PBX1: variants seen among roughly 807,000 people sequenced by gnomAD.
PBX1 encodes the protein pre-B-cell leukemia transcription factor 1.
A neutral mutation model predicts 53.4 loss-of-function variants in PBX1; 6 were observed. The ratio of observed to expected loss-of-function variants is 0.11; its 90% CI spans 0.06 to 0.22. The LOEUF is 0.22. Among genes scored for constraint, PBX1 ranks in the 10% least tolerant of loss-of-function variants. The pLI is 1.00. For missense variants in PBX1, 251 were observed against 551.4 expected (o/e 0.46, Z 5.46); for synonymous variants, 204 against 212.3 (o/e 0.96, Z 0.34).
At chr1:164,651,930 G>GGGGTGTGT (rs965168010) in intron 2 of PBX1, 7 of 144,080 alleles carry the variant, frequency 4.9e-5, no homozygotes, top group South Asian at 4.6e-4. Context: ...ATGGAGGGAG[G>GGGGTGTGT]GTGTGTGTGT....
At chr1:164,831,793 A>G (rs1670778824) in intron 8 of PBX1, among the ~76,000 whole-genome samples, 1 of 152,220 alleles carries the variant, frequency 6.6e-6, no homozygotes, top group Admixed American at 6.5e-5. Flanking sequence ...ATAGTTGTCC[A>G]CAGAATAGTC....
rs1318571203 is a variant in PBX1, at chr1:164,849,500, A to G, written c.*2824A>G. 27 of 1,512,966 alleles carry G rather than the reference A, an allele frequency of 1.8e-5. No homozygotes were observed. The South Asian group carries it at 3.1e-4, about 18-fold the overall frequency. The allele number at this position is 1,512,966 out of a possible 1,614,324, so 93.7% of individuals were successfully genotyped here. A position where few individuals can be genotyped will look rare whatever the true frequency, so the allele number is the denominator to read the frequency against. On this transcript the variant is annotated 3_prime_UTR_variant, in exon 9 of 9. Coordinates refer to ENST00000420696, the MANE Select transcript of PBX1 (RefSeq NM_002585.4). ...GAAACACAGCTTCCTGGGAATTCAC[A>G]TGAGGCCAGTCCTACAGAGAGCAAG...
At chr1:164,859,326 A>G (rs984211092) in intron 2 of PBX1, among the ~76,000 whole-genome samples, 1 of 152,186 alleles carries the variant, frequency 6.6e-6, no homozygotes, top group Admixed American at 6.5e-5. Flanking sequence ...CTGCATAGCC[A>G]TATGGACTGG....
chr1:164,859,868 C>T (rs1672058765), intron 2 of PBX1, among the ~76,000 whole-genome samples: 1 of 152,182 alleles, frequency 6.6e-6, no homozygotes, highest in Non-Finnish European at 1.5e-5. Flanking sequence ...AGGAATACAA[C>T]TGTATTTATC....
At chr1:164,853,310 C>T (rs1671901276), downstream of PBX1, among the ~76,000 whole-genome samples, 1 of 152,182 alleles carries the variant, frequency 6.6e-6, no homozygotes, top group Non-Finnish European at 1.5e-5. Context: ...TAGGCAGCCA[C>T]TTCCTGGGAA....
At chr1:164,820,283 A>G in intron 7 of PBX1, 99 bp downstream of exon 7, 1 of 707,930 alleles carries the variant, frequency 1.4e-6, no homozygotes, top group Non-Finnish European at 2.5e-6. Context: ...GAGAGAGAAA[A>G]ACAGATCAGA....
chr1:164,717,317 C>G (rs551186272), intron 2 of PBX1, among the ~76,000 whole-genome samples: 9 of 152,172 alleles, frequency 5.9e-5, no homozygotes, highest in African/African-American at 2.2e-4. Flanking sequence ...TCTTTGGAGA[C>G]TTTTATTTGC....
At chr1:164,657,149 T>G (rs914237466) in intron 2 of PBX1, 2 of 152,184 alleles carry the variant, frequency 1.3e-5, no homozygotes, top group African/African-American at 4.8e-5. Context: ...GATGATAAAA[T>G]GTCATTGGCT....
intron 2 of PBX1, among the ~76,000 whole-genome samples, chr1:164,637,228 C>T (rs1253374493): frequency 1.3e-5 from 2 of 152,172 alleles, no homozygotes; most frequent in Non-Finnish European, 2.9e-5. Flanking sequence ...GAAGAAAATG[C>T]ATATGCCCTT....
chr1:164,655,442 C>T (rs1021952458), intron 2 of PBX1, among the ~76,000 whole-genome samples: 2 of 152,118 alleles, frequency 1.3e-5, no homozygotes, highest in Non-Finnish European at 2.9e-5. Context: ...TGCCTGTCTT[C>T]TACAGAGCAC....
intron 2 of PBX1, among the ~76,000 whole-genome samples, chr1:164,743,120 T>C (rs1442891736): frequency 1.3e-5 from 2 of 152,152 alleles, no homozygotes; most frequent in Non-Finnish European, 2.9e-5. Context: ...AGGGGGTGCC[T>C]GTAGTGGTAT....
intron 2 of PBX1, among the ~76,000 whole-genome samples, chr1:164,603,929 ATTT>A (rs71583414): frequency 2.2e-4 from 17 of 75,752 alleles, no homozygotes; most frequent in African/African-American, 7.4e-4. Context: ...ATGTCATTTC[ATTT>A]TTTTTTTTTT....
chr1:164,876,600 C>T (rs375820343), intron 2 of PBX1, among the ~76,000 whole-genome samples: 8 of 152,056 alleles, frequency 5.3e-5, no homozygotes, highest in African/African-American at 1.9e-4. Flanking sequence ...AGACACTGTG[C>T]TCGGTGCTCT....
At chr1:164,774,164 TA>T (rs1009961048) in intron 2 of PBX1, among the ~76,000 whole-genome samples, 58 of 151,174 alleles carry the variant, frequency 3.8e-4, no homozygotes, top group African/African-American at 1.1e-3. Flanking sequence ...AATGACAGAA[TA>T]AAAAAAAAAT....
intron 8 of PBX1, among the ~76,000 whole-genome samples, chr1:164,833,973 T>C (rs1272119602): frequency 6.6e-6 from 1 of 151,432 alleles, no homozygotes; most frequent in Non-Finnish European, 1.5e-5. Flanking sequence ...ATAATTTTTA[T>C]GCCAGAAATA....
chr1:164,655,022 G>C (rs933475578), intron 2 of PBX1, among the ~76,000 whole-genome samples: 12 of 151,768 alleles, frequency 7.9e-5, no homozygotes, highest in Admixed American at 7.9e-4. Context: ...TAACTCAGGG[G>C]AAGAACTGAT....
rs1173764391 is a variant in PBX1 at position 164,626,800 on chromosome 1, G to A, written c.265+63489G>A. Reference sequence around the variant, plus strand: ...ATCAACGTTAATGACCACTTTCAGGGCCTCACTCCCTGCTCCCCATCATGC... The same window carrying A: ...ATCAACGTTAATGACCACTTTCAGGACCTCACTCCCTGCTCCCCATCATGC... On this transcript the variant is annotated intron_variant, in intron 2 of 8. Transcript: ENST00000420696. Among the ~76,000 whole-genome samples the A allele has an allele frequency of 2.6e-5, 4 of 152,096 alleles. No individual in the cohort carries two copies. The East Asian group carries it at 7.7e-4, about 29-fold the overall frequency.
At position 164,793,856 on chromosome 1, in the gene PBX1, C is replaced by CTT. The variant is rs397945891; in HGVS notation, c.510+1127_510+1128dup. 2.1e-3 allele frequency among the ~76,000 whole-genome samples: 176 copies of CTT among 84,620 alleles called. 1 individual carries two copies. The South Asian group carries it at 0.023, about 11-fold the overall frequency. The allele number at this position is 84,620 out of a possible 152,430, so 55.5% of individuals were successfully genotyped here. On this transcript the variant is annotated intron_variant, in intron 3 of 8. Transcript: ENST00000420696. Reference sequence around the variant, plus strand: ...CCTTTGCTTTCCTTACCTTTCTTTTCTTTTTTTTTTCCTTTCTTTTTTTTT... The same window carrying CTT: ...CCTTTGCTTTCCTTACCTTTCTTTTCTTTTTTTTTTTTCCTTTCTTTTTTTTT...
At chr1:164,653,843 G>A (rs1470357445) in intron 2 of PBX1, among the ~76,000 whole-genome samples, 1 of 152,098 alleles carries the variant, frequency 6.6e-6, no homozygotes, top group Non-Finnish European at 1.5e-5. Context: ...ACTTTAAATG[G>A]CTTGGAACTT....
Sources: gnomAD v4.1 joint callset for allele counts (sites outside exome capture counted in the v4.1 genomes callset) on GRCh38, gnomAD v4.1.1 for gene constraint, MANE v1.5 for transcripts, NCBI Gene and HGNC (gene_info 2026-07-23, HGNC 2026-07-21) for gene names.